Variants in COL26A1 observed in about 807,000 individuals in gnomAD.
The protein encoded by COL26A1 is collagen alpha-1(XXVI) chain.
A neutral mutation model predicts 59.3 loss-of-function variants in COL26A1; 41 were observed. The ratio of observed to expected loss-of-function variants is 0.69; its 90% CI spans 0.54 to 0.90. COL26A1 has a LOEUF of 0.90. COL26A1 is among the 40% of genes least tolerant of loss of function. The pLI is 0.00. For synonymous variants in COL26A1, 266 were observed against 256.0 expected, an observed-to-expected ratio of 1.04 and a Z score of -0.37; for missense variants, 612 against 602.3, an observed-to-expected ratio of 1.02 and a Z score of -0.17.
intron 1 of COL26A1, among the ~76,000 whole-genome samples, chr7:101,380,629 C>G (rs1287873742): frequency 6.6e-6 from 1 of 152,222 alleles, no homozygotes; most frequent in East Asian, 1.9e-4. Context: ...CACACAAGAT[C>G]TCAGAACTGT....
At chr7:101,383,460 G>A (rs184023991) in intron 1 of COL26A1, among the ~76,000 whole-genome samples, 142 of 152,130 alleles carry the variant, frequency 9.3e-4, no homozygotes, top group African/African-American at 3.3e-3. Context: ...TCCACCTCCT[G>A]GGTTCAAATG....
chr7:101,544,227 C>CT (rs1040763963), intron 6 of COL26A1, 131 bp downstream of exon 6: 3,021 of 567,438 alleles, frequency 5.3e-3, no homozygotes, highest in South Asian at 7.1e-3. Context: ...AAAACGGGGT[C>CT]TTTTTTTTTT....
intron 3 of COL26A1, among the ~76,000 whole-genome samples, chr7:101,460,537 C>T (rs540290966): frequency 1.3e-5 from 2 of 152,090 alleles, no homozygotes; most frequent in Non-Finnish European, 2.9e-5. Flanking sequence ...AATCCCAGCA[C>T]TTAGGGAGGT....
At chr7:101,379,150 G>A (rs1584354038) in intron 1 of COL26A1, among the ~76,000 whole-genome samples, 2 of 152,206 alleles carry the variant, frequency 1.3e-5, no homozygotes, top group African/African-American at 4.8e-5. Flanking sequence ...TGATTGACTT[G>A]GCCACACGGC....
At chr7:101,493,863 G>A (rs1431977172) in intron 3 of COL26A1, among the ~76,000 whole-genome samples, 1 of 151,350 alleles carries the variant, frequency 6.6e-6, no homozygotes, top group Non-Finnish European at 1.5e-5. Context: ...AACCCGGGAG[G>A]TGGAGCTTGT....
At chr7:101,544,163 G>GTTCCAGTAGA in intron 6 of COL26A1, 67 bp downstream of exon 6, 1 of 1,282,506 alleles carries the variant, frequency 7.8e-7, no homozygotes, top group Non-Finnish European at 1.1e-6. Flanking sequence ...CTTCTCTACT[G>GTTCCAGTAGA]GAACAGGCGA....
chr7:101,494,609 T>C (rs1794541571), intron 3 of COL26A1, among the ~76,000 whole-genome samples: 1 of 152,234 alleles, frequency 6.6e-6, no homozygotes, highest in Non-Finnish European at 1.5e-5. Flanking sequence ...AGGGGCAGGA[T>C]TGAGTTTCGT....
At chr7:101,381,386 C>T (rs1056159326) in intron 1 of COL26A1, among the ~76,000 whole-genome samples, 1 of 152,138 alleles carries the variant, frequency 6.6e-6, no homozygotes, top group Non-Finnish European at 1.5e-5. Context: ...TCTGGATACC[C>T]CCTCAACTTC....
At chr7:101,385,227 C>CTAT (rs1375842083) in intron 1 of COL26A1, among the ~76,000 whole-genome samples, 2,102 of 139,312 alleles carry the variant, frequency 0.015, 37 homozygotes, top group African/African-American at 0.048. Context: ...CACACACACA[C>CTAT]ACACTATATA....
chr7:101,394,832 G>A (rs557448091), intron 1 of COL26A1, among the ~76,000 whole-genome samples: 1 of 143,548 alleles, frequency 7.0e-6, no homozygotes, highest in South Asian at 2.3e-4. Context: ...GGCTGTTGCT[G>A]TAGATTTGTT....
intron 3 of COL26A1, 92 bp downstream of exon 3, chr7:101,447,879 C>T: frequency 3.9e-6 from 3 of 776,162 alleles, no homozygotes; most frequent in Non-Finnish European, 4.5e-6. Context: ...AGCAGCTTTC[C>T]TTTCCTCCGT....
chr7:101,444,704 C>T (rs1054714846), intron 2 of COL26A1, among the ~76,000 whole-genome samples: 11 of 151,976 alleles, frequency 7.2e-5, no homozygotes, highest in African/African-American at 2.7e-4. Flanking sequence ...CGTGAGCCAC[C>T]GTGCCTGGCC....
chr7:101,502,854 G>T (rs978234998), intron 3 of COL26A1, among the ~76,000 whole-genome samples: 1 of 152,164 alleles, frequency 6.6e-6, no homozygotes, highest in Non-Finnish European at 1.5e-5. Flanking sequence ...CCTCCTTCCC[G>T]GGGCTGCCTG....
intron 3 of COL26A1, among the ~76,000 whole-genome samples, chr7:101,458,675 A>G (rs1302741268): frequency 6.6e-6 from 1 of 152,058 alleles, no homozygotes; most frequent in African/African-American, 2.4e-5. Flanking sequence ...ATGGTACTCT[A>G]TAGTTTAGAA....
intron 2 of COL26A1, among the ~76,000 whole-genome samples, chr7:101,425,346 C>T (rs903617692): frequency 6.6e-6 from 1 of 152,108 alleles, no homozygotes; most frequent in African/African-American, 2.4e-5. Context: ...AATTGCTCAT[C>T]GTCTGCCCGC....
At chr7:101,412,577 G>A (rs754079723) in intron 1 of COL26A1, among the ~76,000 whole-genome samples, 3 of 151,692 alleles carry the variant, frequency 2.0e-5, no homozygotes, top group South Asian at 2.1e-4. Context: ...CCTGGGAGGC[G>A]GAGGTTGTAA....
At chr7:101,402,754 C>T (rs1381682684) in intron 1 of COL26A1, among the ~76,000 whole-genome samples, 3 of 134,750 alleles carry the variant, frequency 2.2e-5, no homozygotes, top group African/African-American at 5.5e-5. Context: ...TCCCTCCCTC[C>T]CTCCCTCCCT....
At chr7:101,441,349 T>C (rs1584410092) in intron 2 of COL26A1, among the ~76,000 whole-genome samples, 4 of 152,328 alleles carry the variant, frequency 2.6e-5, no homozygotes, top group African/African-American at 9.6e-5. Context: ...TCTCCCTCTG[T>C]CACCCAGACT....
In COL26A1 at chr7:101,375,989, GA is replaced by G. The variant is rs35433251; in HGVS notation, c.158+12816del. On this transcript the variant is annotated intron_variant, in intron 1 of 12. Coordinates refer to ENST00000313669, the MANE Select transcript of COL26A1 (RefSeq NM_001278563.3). ...CGAAAGAGTGAGACTCCATCTCAAA[GA>G]AAAAAAAAAAAAAAAAGAAAATTAG... is the stretch of plus-strand genomic sequence containing the variant. Among the ~76,000 whole-genome samples, 284 of 122,690 alleles carry G rather than the reference GA, an allele frequency of 2.3e-3. 1 individual carries two copies. Among genetic ancestry groups the G allele is most frequent in the East Asian group, 2.6e-3 (10 of 3,856 alleles). 80.5% of individuals were successfully genotyped at this position (122,690 alleles called of 152,430 possible).
Sources: allele counts gnomAD v4.1 joint callset (sites outside exome capture counted in the v4.1 genomes callset), GRCh38; gene constraint gnomAD v4.1.1; transcripts MANE v1.5; gene names NCBI Gene and HGNC (gene_info 2026-07-23, HGNC 2026-07-21).